The following F8 variants were observed in gnomAD, a reference collection of about 807,000 sequenced individuals.
F8 encodes antihemophilic factor.
Under a neutral mutation model 140.6 loss-of-function variants are expected in F8, and 12 were observed. The observed-to-expected ratio is 0.09, with a 90% CI of 0.05 to 0.14. The LOEUF is 0.14. Among genes scored for constraint, F8 ranks in the 10% least tolerant of loss-of-function variants. The pLI is 1.00. For missense variants in F8, 1,354 were observed against 1,720.7 expected, an observed-to-expected ratio of 0.79 and a Z score of 3.77; for synonymous variants, 585 against 614.6, an observed-to-expected ratio of 0.95 and a Z score of 0.71.
At chrX:155,013,872 A>AG (rs2073721712) in intron 1 of F8, among the ~76,000 whole-genome samples, 1 of 111,352 alleles carries the variant, frequency 9.0e-6, no homozygotes, top group Non-Finnish European at 1.9e-5. Context: ...TCAGTGCATG[A>AG]GTGTAGAGAG....
chrX:154,989,331 T>C (rs1160874329), intron 4 of F8, among the ~76,000 whole-genome samples: 1 of 111,608 alleles, frequency 9.0e-6, no homozygotes, highest in Non-Finnish European at 1.9e-5. Context: ...AACCCCATCA[T>C]CGTCAAGATA....
chrX:154,905,198 T>C (rs782107624), intron 15 of F8, among the ~76,000 whole-genome samples, 175 bp from the exon 16 acceptor site: 2 of 111,510 alleles, frequency 1.8e-5, no homozygotes, highest in East Asian at 5.6e-4. Flanking sequence ...AACCTAATCC[T>C]GAGGAGGTTT....
At position 154,837,423 on chromosome X, in the gene F8, C is replaced by A. The variant is rs1169605877; in HGVS notation, c.*174G>T. 5 of 501,585 alleles carry A rather than the reference C, an allele frequency of 1.0e-5. No individual in the cohort carries two copies. The highest frequency in any genetic ancestry group is 1.6e-5 in the Non-Finnish European group (5 of 306,277). The allele number at this position is 501,585 out of a possible 1,213,427, so 41.3% of individuals were successfully genotyped here. On this transcript the variant is annotated 3_prime_UTR_variant, in exon 26 of 26. Transcript: ENST00000360256. ...TAAGAGTTAAGTTAAATTGGATGCACCCTCCTGGCCCCCCACCAAAGAAAT... is the reference window on the plus strand; with the variant it reads ...TAAGAGTTAAGTTAAATTGGATGCAACCTCCTGGCCCCCCACCAAAGAAAT...
chrX:154,957,341 TTAAAAAGTA>T (rs1569559811), intron 10 of F8, among the ~76,000 whole-genome samples, 170 bp from the exon 11 acceptor site: 1 of 111,803 alleles, frequency 8.9e-6, no homozygotes, highest in Non-Finnish European at 1.9e-5. Flanking sequence ...AACAATTTTT[TTAAAAAGTA>T]AAAAGCTGTA....
intron 6 of F8, among the ~76,000 whole-genome samples, chrX:154,981,909 G>A (rs1348648240): frequency 8.9e-6 from 1 of 111,955 alleles, no homozygotes; most frequent in East Asian, 2.8e-4. Context: ...GAGATGGCCG[G>A]ATGCAGTGGC....
At chrX:154,902,531 C>T (rs2073015700) in intron 18 of F8, among the ~76,000 whole-genome samples, 1 of 111,537 alleles carries the variant, frequency 9.0e-6, no homozygotes, top group African/African-American at 3.3e-5. Context: ...AGGGTGAGTT[C>T]CCTCTGGATC....
chrX:154,932,497 G>A (rs2124055503), intron 13 of F8, among the ~76,000 whole-genome samples: 1 of 112,169 alleles, frequency 8.9e-6, no homozygotes, highest in East Asian at 2.8e-4. Flanking sequence ...ATTTCACACA[G>A]TCTTTTCAGG....
intron 14 of F8, chrX:154,908,838 C>T: frequency 8.2e-6 from 1 of 122,467 alleles, no homozygotes; most frequent in Non-Finnish European, 1.7e-5. Flanking sequence ...AGGGAGAGAC[C>T]TCAAGACTAA....
intron 6 of F8, among the ~76,000 whole-genome samples, chrX:154,980,495 G>T (rs1043332628): frequency 8.9e-6 from 1 of 111,860 alleles, no homozygotes; most frequent in Non-Finnish European, 1.9e-5. Context: ...ATGTCTTTAG[G>T]ATTAGTCACT....
chrX:154,895,423 G>A (rs147011301), intron 22 of F8, among the ~76,000 whole-genome samples: 236 of 112,158 alleles, frequency 2.1e-3, no homozygotes, highest in African/African-American at 7.2e-3. Flanking sequence ...AGCTTTTATC[G>A]GAGAACAGAT....
At chrX:154,969,262 G>T in intron 7 of F8, 69 bp downstream of exon 7, 1 of 977,410 alleles carries the variant, frequency 1.0e-6, no homozygotes, top group Non-Finnish European at 1.4e-6. Flanking sequence ...CCTGTACATT[G>T]TCCAGTAAAT....
chrX:154,853,678 T>C (rs1159138303), intron 25 of F8, among the ~76,000 whole-genome samples: 1 of 112,007 alleles, frequency 8.9e-6, no homozygotes, highest in African/African-American at 3.2e-5. Context: ...TCACACTGAG[T>C]TCTCCTTGCA....
intron 2 of F8, 143 bp from the exon 3 acceptor site, chrX:154,997,238 C>G: frequency 1.4e-6 from 1 of 712,886 alleles, no homozygotes; most frequent in South Asian, 2.3e-5. Context: ...TTGCTGCCAA[C>G]ATCAGCCTAA....
Position 154,869,288 on chromosome X carries a change from A to G in F8, c.6430-6061T>C, listed in dbSNP as rs145884922. ...CACTTATTCTAAAACTGATTACATA[A>G]TTCGAAGTAAAACACTCCTCAGCAA... On this transcript the variant is annotated intron_variant, in intron 22 of 25. Coordinates refer to ENST00000360256, the MANE Select transcript of F8 (RefSeq NM_000132.4). 8.3e-3 allele frequency among the ~76,000 whole-genome samples: 927 copies of G among 111,859 alleles called. 8 individuals carry two copies. The highest frequency in any genetic ancestry group is 0.028 in the African/African-American group (875 of 30,758).
At chrX:154,888,408 C>CTTTTT (rs1557274896) in intron 22 of F8, among the ~76,000 whole-genome samples, 1,865 of 52,928 alleles carry the variant, frequency 0.035, 206 homozygotes, top group African/African-American at 0.14. Flanking sequence ...TTTTTTTTTC[C>CTTTTT]CCCCGAGATG....
chrX:154,903,856 G>T, intron 18 of F8, 50 bp downstream of exon 18: 1 of 1,081,250 alleles, frequency 9.2e-7, no homozygotes, highest in Non-Finnish European at 1.3e-6. Context: ...TTTAAAGTAA[G>T]TACTCAACAA....
intron 22 of F8, among the ~76,000 whole-genome samples, chrX:154,872,119 C>T (rs2072778467): frequency 8.9e-6 from 1 of 111,931 alleles, no homozygotes; most frequent in Non-Finnish European, 1.9e-5. Context: ...ATTAATTCAA[C>T]CATTGTGGAA....
At chrX:154,952,543 A>ATTT (rs782661825) in intron 12 of F8, among the ~76,000 whole-genome samples, 12 of 96,066 alleles carry the variant, frequency 1.2e-4, no homozygotes, top group African/African-American at 4.6e-4. Context: ...TTCGTTCAGG[A>ATTT]TTTTTTTTTT....
At chrX:155,009,507 C>T (rs782387584) in intron 1 of F8, among the ~76,000 whole-genome samples, 7 of 110,837 alleles carry the variant, frequency 6.3e-5, no homozygotes, top group Non-Finnish European at 9.4e-5. Context: ...GAGGCCGAGG[C>T]GGGAGGATCA....
Sources: gnomAD v4.1 joint callset for allele counts (sites outside exome capture counted in the v4.1 genomes callset) on GRCh38, gnomAD v4.1.1 for gene constraint, MANE v1.5 for transcripts, NCBI Gene and HGNC (gene_info 2026-07-23, HGNC 2026-07-21) for gene names.